Variants in GCNT1 observed in about 807,000 individuals in gnomAD.
GCNT1 encodes the protein glucosaminyl (N-acetyl) transferase 1, also known as beta-1,3-galactosyl-O-glycosyl-glycoprotein beta-1,6-N-acetylglucosaminyltransferase.
A neutral mutation model predicts 26.2 loss-of-function variants in GCNT1; 16 were observed. The observed-to-expected ratio is 0.61, with a 90% CI of 0.41 to 0.93. The LOEUF is 0.93. GCNT1 is among the 40% of genes least tolerant of loss of function. GCNT1 has a pLI of 0.00. For missense variants in GCNT1, 477 were observed against 526.7 expected (o/e 0.91, Z 0.92); for synonymous variants, 183 against 190.8 (o/e 0.96, Z 0.34).
chr9:76,477,902 T>A (rs1824291916), intron 2 of GCNT1, among the ~76,000 whole-genome samples: 1 of 152,198 alleles, frequency 6.6e-6, no homozygotes, highest in Non-Finnish European at 1.5e-5. Context: ...CAGCTGGGCT[T>A]CTGGGTTGAG....
intron 2 of GCNT1, among the ~76,000 whole-genome samples, chr9:76,462,971 AT>A (rs1192178329): frequency 2.6e-5 from 4 of 152,246 alleles, no homozygotes; most frequent in Admixed American, 6.5e-5. Flanking sequence ...TTTAAGAAAA[AT>A]TAACCTCTTT....
chr9:76,426,834 C>T (rs180672064), intron 1 of GCNT1, among the ~76,000 whole-genome samples: 1 of 152,238 alleles, frequency 6.6e-6, no homozygotes, highest in East Asian at 1.9e-4. Context: ...TCGCTTGAAC[C>T]TGGGAGGCGG....
At chr9:76,458,819 T>C (rs943310369), upstream of GCNT1, among the ~76,000 whole-genome samples, 2 of 152,248 alleles carry the variant, frequency 1.3e-5, no homozygotes, top group Admixed American at 6.5e-5. Flanking sequence ...ACTTTACATA[T>C]CGAGAACCTT....
At chr9:76,451,650 G>A (rs965752455) in intron 1 of GCNT1, among the ~76,000 whole-genome samples, 36 of 152,268 alleles carry the variant, frequency 2.4e-4, no homozygotes, top group African/African-American at 8.4e-4. Context: ...GCATCTACAA[G>A]CCAAGGAGAG....
chr9:76,441,515 T>C (rs933645202), upstream of GCNT1, among the ~76,000 whole-genome samples: 4 of 152,192 alleles, frequency 2.6e-5, no homozygotes, highest in African/African-American at 9.7e-5. Context: ...ACCATCAGAC[T>C]AGATGATGTA....
At chr9:76,452,340 T>TA (rs1164450836) in intron 1 of GCNT1, among the ~76,000 whole-genome samples, 3 of 152,058 alleles carry the variant, frequency 2.0e-5, no homozygotes, top group Admixed American at 6.6e-5. Flanking sequence ...CTCTCTGTAC[T>TA]AAAAAAAATT....
chr9:76,486,297 C>T (rs1824572972), intron 2 of GCNT1, among the ~76,000 whole-genome samples: 1 of 152,222 alleles, frequency 6.6e-6, no homozygotes, highest in African/African-American at 2.4e-5. Context: ...AATGCTCTTA[C>T]AGTTGCTGGT....
chr9:76,439,313 C>T (rs1264783367), upstream of GCNT1, among the ~76,000 whole-genome samples: 1 of 150,202 alleles, frequency 6.7e-6, no homozygotes, highest in Non-Finnish European at 1.5e-5. Context: ...CAACCTCTGC[C>T]TCCCAGGTTC....
At chr9:76,473,048 G>C (rs12237420) in intron 2 of GCNT1, among the ~76,000 whole-genome samples, 41,820 of 151,822 alleles carry the variant, frequency 0.28, 5,984 homozygotes, top group African/African-American at 0.32. Context: ...TGTGCCCTGC[G>C]ACACTTGTCT....
At chr9:76,448,178 G>C (rs1379568040) in intron 1 of GCNT1, among the ~76,000 whole-genome samples, 2 of 152,160 alleles carry the variant, frequency 1.3e-5, no homozygotes, top group Non-Finnish European at 2.9e-5. Flanking sequence ...ACAGCCAGGC[G>C]CGGTGGCTCG....
chr9:76,399,683 C>A, the GCNT1 span: 1 of 737,528 alleles, frequency 1.4e-6, no homozygotes, highest in South Asian at 1.7e-5. Context: ...TGTTTTTACC[C>A]CAATCCATTT....
intron 1 of GCNT1, among the ~76,000 whole-genome samples, chr9:76,444,620 G>A (rs1211935957): frequency 1.3e-5 from 2 of 152,194 alleles, no homozygotes; most frequent in Non-Finnish European, 2.9e-5. Context: ...AGTTTCCCTA[G>A]AGGCACGGGA....
At chr9:76,482,568 G>A (rs1210788592) in intron 2 of GCNT1, among the ~76,000 whole-genome samples, 2 of 151,848 alleles carry the variant, frequency 1.3e-5, no homozygotes, top group Non-Finnish European at 2.9e-5. Flanking sequence ...AGCTTGCAGT[G>A]AGCCAAGATT....
At chr9:76,491,629 C>A (rs1824739790) in intron 2 of GCNT1, among the ~76,000 whole-genome samples, 1 of 152,194 alleles carries the variant, frequency 6.6e-6, no homozygotes, top group Admixed American at 6.5e-5. Context: ...TGTGGCATAA[C>A]CTGCCCTTCA....
chr9:76,450,131 T>C (rs1429251409), intron 1 of GCNT1, among the ~76,000 whole-genome samples: 2 of 152,188 alleles, frequency 1.3e-5, no homozygotes, highest in East Asian at 1.9e-4. Flanking sequence ...CTGTCCTGTC[T>C]GGCAATAATT....
At chr9:76,478,654 A>G (rs1041759991) in intron 2 of GCNT1, among the ~76,000 whole-genome samples, 3 of 152,210 alleles carry the variant, frequency 2.0e-5, no homozygotes, top group Non-Finnish European at 4.4e-5. Context: ...TTGTACCCTA[A>G]GCCAGAATTT....
At chr9:76,428,701 T>A (rs985234677) in intron 1 of GCNT1, among the ~76,000 whole-genome samples, 3 of 141,458 alleles carry the variant, frequency 2.1e-5, no homozygotes, top group Non-Finnish European at 4.5e-5. Flanking sequence ...CGTATTCTAT[T>A]TTTTTTTTTT....
the GCNT1 span, among the ~76,000 whole-genome samples, chr9:76,407,198 A>G: frequency 6.6e-6 from 1 of 152,014 alleles, no homozygotes; most frequent in Admixed American, 6.6e-5. Flanking sequence ...CTATTGCCAC[A>G]CTACTGCACT....
intron 2 of GCNT1, among the ~76,000 whole-genome samples, chr9:76,461,329 A>G (rs932403880): frequency 1.3e-5 from 2 of 151,948 alleles, no homozygotes; most frequent in African/African-American, 4.8e-5. Context: ...GCAGTGGCTC[A>G]CACCTGTAAT....
Sources: allele counts gnomAD v4.1 joint callset (sites outside exome capture counted in the v4.1 genomes callset), GRCh38; gene constraint gnomAD v4.1.1; transcripts MANE v1.5; gene names NCBI Gene and HGNC (gene_info 2026-07-23, HGNC 2026-07-21).